CMTM4: variants seen among roughly 807,000 people sequenced by gnomAD.
CMTM4 encodes the protein CKLF-like MARVEL transmembrane domain-containing protein 4.
A neutral mutation model predicts 19.0 loss-of-function variants in CMTM4; 8 were observed. The ratio of observed to expected loss-of-function variants is 0.42; its 90% CI spans 0.25 to 0.76. The LOEUF is 0.76. Among genes scored for constraint, CMTM4 ranks in the 30% least tolerant of loss-of-function variants. CMTM4 has a pLI of 0.27. For synonymous variants in CMTM4, 106 were observed against 121.1 expected (o/e 0.88, Z 0.82); for missense variants, 228 against 290.2 (o/e 0.79, Z 1.56).
downstream of CMTM4, among the ~76,000 whole-genome samples, chr16:66,610,391 G>C (rs372774147): frequency 1.0e-3 from 159 of 152,298 alleles, no homozygotes; most frequent in African/African-American, 3.7e-3. The surrounding 1 kb of genome is among the most constrained non-coding windows in gnomAD (Gnocchi z 4.6). Context: ...GAAGCTCAGA[G>C]CCCAGAAAGG....
chr16:66,631,168 G>A (rs2015856119), intron 2 of CMTM4, among the ~76,000 whole-genome samples: 1 of 149,336 alleles, frequency 6.7e-6, no homozygotes, highest in Non-Finnish European at 1.5e-5. Flanking sequence ...GAGGGAGGTG[G>A]GGGTCAGCCC....
intron 2 of CMTM4, among the ~76,000 whole-genome samples, chr16:66,631,698 A>T (rs1360502745): frequency 1.3e-5 from 2 of 152,112 alleles, no homozygotes; most frequent in Non-Finnish European, 2.9e-5. Context: ...AGGGCGGTGC[A>T]AGATGTGCTT....
chr16:66,683,176 C>T (rs374210219), intron 1 of CMTM4, among the ~76,000 whole-genome samples: 1,541 of 105,422 alleles, frequency 0.015, 33 homozygotes, highest in East Asian at 0.069. Context: ...TATATATATA[C>T]ATATGTATAT....
chr16:66,638,676 C>T (rs539870582), intron 1 of CMTM4, among the ~76,000 whole-genome samples: 5 of 152,010 alleles, frequency 3.3e-5, no homozygotes, highest in East Asian at 1.9e-4. Context: ...CTGATTAACA[C>T]GGTGAAACCC....
Position 66,621,406 on chromosome 16 carries a change from T to G in CMTM4, c.*652A>C. On this transcript the variant is annotated 3_prime_UTR_variant, in exon 4 of 4. Coordinates refer to ENST00000394106, the MANE Select transcript of CMTM4 (RefSeq NM_181521.3). ...GCCCCCATATTCCTGGAGAAGAATC[T>G]GGGGTTCAGGAAGGTGATTCATTTG... 8 of 985,884 alleles carry G rather than the reference T, an allele frequency of 8.1e-6. No individual in the cohort carries two copies. Among genetic ancestry groups the G allele is most frequent in the Non-Finnish European group, 9.6e-6 (8 of 829,940 alleles). The allele number at this position is 985,884 out of a possible 1,614,324, so 61.1% of individuals were successfully genotyped here.
At position 66,617,893 on chromosome 16, in the gene CMTM4, G is replaced by A. The variant is rs540358863; in HGVS notation, c.*4165C>T. The A allele has an allele frequency of 3.4e-5, 34 of 988,180 alleles. No homozygotes were observed. In the South Asian group the frequency reaches 1.3e-3, roughly 36 times the overall value. 61.2% of individuals were successfully genotyped at this position (988,180 alleles called of 1,614,324 possible). On this transcript the variant is annotated 3_prime_UTR_variant, in exon 4 of 4. Coordinates refer to ENST00000394106, the MANE Select transcript of CMTM4 (RefSeq NM_181521.3). ...TGCCCTCAAGCTGACTGTGGAACGC[G>A]AGACAGCTTTCAAAGACAAGAGGAC...
At chr16:66,650,858 T>C (rs2016296836) in intron 1 of CMTM4, among the ~76,000 whole-genome samples, 1 of 152,140 alleles carries the variant, frequency 6.6e-6, no homozygotes, top group African/African-American at 2.4e-5. Context: ...GGGGAGCAAC[T>C]ATTAAGGACC....
At chr16:66,659,784 AG>A (rs1335735355) in intron 1 of CMTM4, among the ~76,000 whole-genome samples, 1 of 152,196 alleles carries the variant, frequency 6.6e-6, no homozygotes, top group Non-Finnish European at 1.5e-5. Context: ...ACAAAAAAGG[AG>A]GGGAGCGTTG....
chr16:66,618,645 G>A lies in CMTM4; in HGVS notation c.*3413C>T. 2 of 985,534 alleles carry A rather than the reference G, an allele frequency of 2.0e-6. No individual in the cohort carries two copies. The highest frequency in any genetic ancestry group is 2.4e-6 in the Non-Finnish European group (2 of 829,964). 61.0% of individuals were successfully genotyped at this position (985,534 alleles called of 1,614,324 possible). ...CAAGCAAGAATTCACGTACATGAGT[G>A]CACAAAGGTGTTGGAGCTTGGTCTC... is the stretch of plus-strand genomic sequence containing the variant. On this transcript the variant is annotated 3_prime_UTR_variant, in exon 4 of 4. Transcript: ENST00000394106.
intron 2 of CMTM4, among the ~76,000 whole-genome samples, chr16:66,633,648 T>C (rs2015927284): frequency 6.6e-6 from 1 of 151,860 alleles, no homozygotes; most frequent in South Asian, 2.1e-4. Flanking sequence ...CGAAACCTCG[T>C]CTCTATTAAA....
At chr16:66,610,329 C>T (rs924446541), downstream of CMTM4, among the ~76,000 whole-genome samples, 2 of 152,154 alleles carry the variant, frequency 1.3e-5, no homozygotes, top group Admixed American at 6.5e-5. The surrounding 1 kb of genome is among the most constrained non-coding windows in gnomAD (Gnocchi z 4.6). Context: ...CCAGAGTGGC[C>T]ATCCCCCAAA....
chr16:66,696,010 G>T lies in CMTM4; in HGVS notation c.186+330C>A, dbSNP rs546970091. ...GGTTGCTAAGACCAGCTGTACCCAGGAGACAGCAGGATTCCCAGCAGCACC... is the reference window on the plus strand; with the variant it reads ...GGTTGCTAAGACCAGCTGTACCCAGTAGACAGCAGGATTCCCAGCAGCACC... On this transcript the variant is annotated intron_variant, in intron 1 of 3. Transcript: ENST00000394106. This position sits in a 1 kb window ranked among gnomAD's most constrained non-coding sequence, Gnocchi z 4.3. 6.6e-6 allele frequency among the ~76,000 whole-genome samples: 1 copy of T among 152,346 alleles called. No homozygotes were observed. The highest frequency in any genetic ancestry group is 1.9e-4 in the East Asian group (1 of 5,176).
At chr16:66,652,283 G>A (rs1281468420) in intron 1 of CMTM4, among the ~76,000 whole-genome samples, 1 of 152,196 alleles carries the variant, frequency 6.6e-6, no homozygotes, top group Non-Finnish European at 1.5e-5. Flanking sequence ...CACTCTCAAA[G>A]AAAGCCCGCC....
chr16:66,639,800 T>C (rs1346613448), intron 1 of CMTM4, among the ~76,000 whole-genome samples: 1 of 151,768 alleles, frequency 6.6e-6, no homozygotes, highest in East Asian at 1.9e-4. Flanking sequence ...GGTGGATCGC[T>C]TGAGGCCAGG....
intron 1 of CMTM4, among the ~76,000 whole-genome samples, chr16:66,651,280 T>A (rs1454196449): frequency 1.3e-5 from 2 of 152,188 alleles, no homozygotes; most frequent in African/African-American, 4.8e-5. Flanking sequence ...TGGGGAGTTT[T>A]AAGCCACTCT....
rs922866125 is a variant in CMTM4, at chr16:66,696,231, G to A, written c.186+109C>T. 1.3e-6 allele frequency: 1 copy of A among 766,554 alleles called. No individual in the cohort carries two copies. Among genetic ancestry groups the A allele is most frequent in the Non-Finnish European group, 1.8e-6 (1 of 568,652 alleles). The allele number at this position is 766,554 out of a possible 1,614,324, so 47.5% of individuals were successfully genotyped here. On this transcript the variant is annotated intron_variant, in intron 1 of 3. Coordinates refer to ENST00000394106, the MANE Select transcript of CMTM4 (RefSeq NM_181521.3). This position sits in a 1 kb window ranked among gnomAD's most constrained non-coding sequence, Gnocchi z 4.3. ...CGAGGGAGAGGGGGCGCGAGGAGCG[G>A]GCTCCGGCCTGGGCAAGCGGGTACG...
At chr16:66,682,803 C>G (rs1241682090) in intron 1 of CMTM4, among the ~76,000 whole-genome samples, 2 of 151,880 alleles carry the variant, frequency 1.3e-5, no homozygotes, top group Non-Finnish European at 2.9e-5. Flanking sequence ...TGAAAAGTGT[C>G]TCTTGAAAGA....
rs115979357 is a variant in CMTM4, at chr16:66,642,344, G to A, written c.187-5763C>T. Among the ~76,000 whole-genome samples the A allele has an allele frequency of 7.1e-3, 1,075 of 152,304 alleles. 10 individuals carry two copies. Among genetic ancestry groups the A allele is most frequent in the African/African-American group, 0.025 (1,037 of 41,546 alleles). On this transcript the variant is annotated intron_variant, in intron 1 of 3. Coordinates refer to ENST00000394106, the MANE Select transcript of CMTM4 (RefSeq NM_181521.3). ...AAACTTTTTTGTTTACTAATCATGC[G>A]ATTATGGATGCCCTTGGAGAGAGTC...
intron 1 of CMTM4, among the ~76,000 whole-genome samples, chr16:66,693,442 G>C (rs1403324573): frequency 6.6e-6 from 1 of 152,128 alleles, no homozygotes; most frequent in Non-Finnish European, 1.5e-5. Context: ...CATATTTCTT[G>C]ATGGATTCTG....
Sources: gnomAD v4.1 joint callset for allele counts (sites outside exome capture counted in the v4.1 genomes callset) on GRCh38, gnomAD v4.1.1 for gene constraint, Gnocchi (gnomAD v3.1) non-coding constraint, MANE v1.5 for transcripts, NCBI Gene and HGNC (gene_info 2026-07-23, HGNC 2026-07-21) for gene names.